The following HMCN1 variants were observed in gnomAD, a reference collection of about 807,000 sequenced individuals.
HMCN1 encodes the protein hemicentin 1, also known as hemicentin-1.
A neutral mutation model predicts 625.9 loss-of-function variants in HMCN1; 321 were observed. The ratio of observed to expected loss-of-function variants is 0.51; its 90% CI spans 0.47 to 0.56. The LOEUF (loss-of-function observed/expected upper bound fraction) is 0.56. Among genes scored for constraint, HMCN1 ranks in the 20% least tolerant of loss-of-function variants. The probability of loss-of-function intolerance (pLI) is 0.00; values close to 1 mark genes in which losing one functional copy is unlikely to be tolerated. For missense variants in HMCN1, 6,588 were observed against 6,887.3 expected (o/e 0.96, Z 1.54); for synonymous variants, 2,425 against 2,417.6 (o/e 1.00, Z -0.09).
rs1386687033 is a variant in HMCN1 at position 186,087,334 on chromosome 1, C to T, written c.9160+4C>T. On this transcript the variant is annotated splice_donor_region_variant and intron_variant, in intron 59 of 106. Coordinates refer to ENST00000271588, the MANE Select transcript of HMCN1 (RefSeq NM_031935.3). Reference sequence around the variant, plus strand: ...AAGTTTTCCCTGACTGTTTATGGTTCGTTTTTACTCTCTTCATAAAATTCT... The same window carrying T: ...AAGTTTTCCCTGACTGTTTATGGTTTGTTTTTACTCTCTTCATAAAATTCT... The T allele has an allele frequency of 9.3e-6, 15 of 1,606,152 alleles. No individual in the cohort carries two copies. Among genetic ancestry groups the T allele is most frequent in the African/African-American group, 5.4e-5 (4 of 74,662 alleles).
chr1:185,837,814 T>C (rs1246699426), intron 1 of HMCN1, among the ~76,000 whole-genome samples: 1 of 152,186 alleles, frequency 6.6e-6, no homozygotes, highest in Non-Finnish European at 1.5e-5. Flanking sequence ...TGTATTTGTC[T>C]TTTCTGGTTA....
At chr1:185,752,565 G>GA (rs2102097890) in intron 1 of HMCN1, among the ~76,000 whole-genome samples, 1 of 152,260 alleles carries the variant, frequency 6.6e-6, no homozygotes, top group East Asian at 1.9e-4. Context: ...TTTGGAGGAA[G>GA]AGTGTCTTGC....
intron 97 of HMCN1, among the ~76,000 whole-genome samples, chr1:186,154,919 C>T (rs1047421182): frequency 2.0e-5 from 3 of 152,146 alleles, no homozygotes; most frequent in African/African-American, 2.4e-5. Flanking sequence ...ATTCCATATT[C>T]TGTGGGGTTT....
At chr1:186,132,680 G>T (rs1187964972) in intron 86 of HMCN1, among the ~76,000 whole-genome samples, 1 of 151,444 alleles carries the variant, frequency 6.6e-6, no homozygotes, top group East Asian at 2.0e-4. Flanking sequence ...TAAGTTTTAG[G>T]GTACATGTGC....
chr1:185,924,932 G>A (rs1315775026), intron 8 of HMCN1, 115 bp from the exon 9 acceptor site: 1 of 922,972 alleles, frequency 1.1e-6, no homozygotes, highest in East Asian at 2.6e-5. Context: ...GAATGCAGAG[G>A]ATTTACTGGA....
At position 186,132,310 on chromosome 1, in the gene HMCN1, C is replaced by T. The variant is rs780703161; in HGVS notation, c.13231-18C>T. ...CTGTAGGCTCATATTTTTGTAAAAA[C>T]GCTGCTTATTTCCATAGAATGAAGA... On this transcript the variant is annotated intron_variant, in intron 85 of 106. Transcript: ENST00000271588. 1.0e-5 allele frequency: 16 copies of T among 1,599,484 alleles called. No homozygotes were observed. The highest frequency in any genetic ancestry group is 6.7e-5 in the African/African-American group (5 of 74,438).
At chr1:185,894,967 C>T (rs1665402260) in intron 4 of HMCN1, among the ~76,000 whole-genome samples, 2 of 151,990 alleles carry the variant, frequency 1.3e-5, no homozygotes, top group Admixed American at 6.6e-5. Context: ...ATCTACTGAC[C>T]ATTTTATTTA....
rs752738056 is a variant in HMCN1 at position 186,120,075 on chromosome 1, T to G, written c.12159T>G (p.Ala4053=). 13 of 1,614,106 alleles carry G rather than the reference T, an allele frequency of 8.1e-6. No individual in the cohort carries two copies. The East Asian group carries it at 2.7e-4, about 33-fold the overall frequency. ...TCTCCAGAGCTGTCCGAGAGGATGC[T>G]GGCACTTACATGTGTGTGGCCCAGA... ...LQISRAVRED[A]GTYMCVAQNP... The change falls in exon 80 of 107, where the codon GCT becomes GCG. Residue 4053 remains alanine, a synonymous_variant. Transcript: ENST00000271588.
chr1:186,148,951 T>A (rs1461947661), intron 93 of HMCN1, among the ~76,000 whole-genome samples: 8 of 143,564 alleles, frequency 5.6e-5, no homozygotes, highest in African/African-American at 8.0e-5. Flanking sequence ...TTTTTTTTTT[T>A]ATTTTCCTGA....
At chr1:185,955,850 G>A (rs565158880) in intron 11 of HMCN1, among the ~76,000 whole-genome samples, 2 of 152,008 alleles carry the variant, frequency 1.3e-5, no homozygotes, top group South Asian at 2.1e-4. Context: ...TCATCCTTCC[G>A]TGATTTGTCC....
At chr1:185,842,739 A>G (rs991512654) in intron 1 of HMCN1, among the ~76,000 whole-genome samples, 1 of 152,094 alleles carries the variant, frequency 6.6e-6, no homozygotes, top group African/African-American at 2.4e-5. Context: ...TTAAAAAAAA[A>G]AAAAACTTTA....
At chr1:185,850,993 A>G (rs1662128251) in intron 2 of HMCN1, among the ~76,000 whole-genome samples, 1 of 152,212 alleles carries the variant, frequency 6.6e-6, no homozygotes, top group Non-Finnish European at 1.5e-5. Context: ...AAGGTTAAAC[A>G]TGAAAAGTCT....
chr1:186,132,636 G>T lies in HMCN1; in HGVS notation c.13312+227G>T, dbSNP rs182314955. ...ACGTATATAGTATAAGATTGCAATTGATTGGTGGCAGAGCTTTTTTTTTTA... is the reference window on the plus strand; with the variant it reads ...ACGTATATAGTATAAGATTGCAATTTATTGGTGGCAGAGCTTTTTTTTTTA... On this transcript the variant is annotated intron_variant, in intron 86 of 106. Coordinates refer to ENST00000271588, the MANE Select transcript of HMCN1 (RefSeq NM_031935.3). Among the ~76,000 whole-genome samples, 167 of 144,594 alleles carry T rather than the reference G, an allele frequency of 1.2e-3. 2 individuals carry two copies. The highest frequency in any genetic ancestry group is 6.3e-3 in the East Asian group (30 of 4,762). 94.9% of individuals were successfully genotyped at this position (144,594 alleles called of 152,430 possible). A position where few individuals can be genotyped will look rare whatever the true frequency, so the allele number is the denominator to read the frequency against.
At chr1:185,806,769 A>G (rs1659199678) in intron 1 of HMCN1, among the ~76,000 whole-genome samples, 1 of 152,112 alleles carries the variant, frequency 6.6e-6, no homozygotes. Flanking sequence ...AAAGTTTTGT[A>G]TTGATGTATT....
In HMCN1 at chr1:185,823,900, C is replaced by T. The variant is rs74133675; in HGVS notation, c.269-22126C>T. ...ATATTTGTGTTGCTTTTCTAATGTG[C>T]GACTATTTCTACTTTTTATTTATTT... On this transcript the variant is annotated intron_variant, in intron 1 of 106. Coordinates refer to ENST00000271588, the MANE Select transcript of HMCN1 (RefSeq NM_031935.3). Among the ~76,000 whole-genome samples the T allele has an allele frequency of 7.1e-3, 1,078 of 152,162 alleles. 13 individuals carry two copies. The highest frequency in any genetic ancestry group is 0.023 in the African/African-American group (962 of 41,530).
intron 103 of HMCN1, 37 bp from the exon 104 acceptor site, chr1:186,178,379 C>CA (rs1553310711): frequency 3.5e-6 from 5 of 1,423,864 alleles, no homozygotes; most frequent in Non-Finnish European, 5.0e-6. Context: ...ATGTATGTGT[C>CA]TTTTTTTTTC....
intron 10 of HMCN1, among the ~76,000 whole-genome samples, chr1:185,932,192 A>T (rs1053434783): frequency 6.6e-6 from 1 of 152,188 alleles, no homozygotes; most frequent in Non-Finnish European, 1.5e-5. Context: ...AGATATTTTT[A>T]AAAAACATAA....
chr1:185,755,178 A>G (rs1655054049), intron 1 of HMCN1, among the ~76,000 whole-genome samples: 1 of 152,232 alleles, frequency 6.6e-6, no homozygotes, highest in Admixed American at 6.5e-5. Flanking sequence ...ATCACCCACT[A>G]TAATCTGTGT....
chr1:186,019,583 T>C lies in HMCN1; in HGVS notation c.5513T>C (p.Val1838Ala). The part of the protein sequence containing the change: ...IKSSGLSERV[V>A]VKYKPVALQC... ...TCCTCAGGCCTTTCTGAGAGAGTTG[T>C]GGTAAAATACAAGCCTGTCGCCTTG... Residue 1838 changes from valine to alanine, a missense_variant, in exon 35 of 107, where the codon GTG (valine) becomes GCG (alanine). Around this residue, in one of 3 missense-constraint regions of HMCN1, gnomAD observed 4,628 missense variants for 4,853.1 expected, o/e 0.95. Transcript: ENST00000271588. 6.2e-7 allele frequency: 1 copy of C among 1,610,832 alleles called. No individual in the cohort carries two copies. Among genetic ancestry groups the C allele is most frequent in the Non-Finnish European group, 8.5e-7 (1 of 1,177,310 alleles).
Sources: allele counts gnomAD v4.1 joint callset (sites outside exome capture counted in the v4.1 genomes callset), GRCh38; gene constraint gnomAD v4.1.1; regional missense constraint gnomAD v4.1.1; transcripts MANE v1.5; gene names NCBI Gene and HGNC (gene_info 2026-07-23, HGNC 2026-07-21).